Variants in KBTBD12 observed in about 807,000 individuals in gnomAD.
The protein encoded by KBTBD12 is kelch repeat and BTB domain containing 12, also known as kelch repeat and BTB domain-containing protein 12.
KBTBD12 carries 53 observed loss-of-function variants against 58.7 expected under a neutral mutation model. That is an observed-to-expected ratio of 0.90 (90% CI 0.72 to 1.14). The LOEUF is 1.14. KBTBD12 is among the 50% of genes most tolerant of loss of function. KBTBD12 has a pLI of 0.00. For missense variants in KBTBD12, 704 were observed against 751.3 expected, an observed-to-expected ratio of 0.94 and a Z score of 0.74; for synonymous variants, 236 against 259.8, an observed-to-expected ratio of 0.91 and a Z score of 0.88.
intron 1 of KBTBD12, among the ~76,000 whole-genome samples, chr3:127,918,207 G>A (rs921081908): frequency 6.6e-6 from 1 of 152,150 alleles, no homozygotes; most frequent in African/African-American, 2.4e-5. Flanking sequence ...TCCCTTACCC[G>A]CAGTGTGCTC....
At chr3:127,934,777 A>G (rs1378432467) in intron 4 of KBTBD12, among the ~76,000 whole-genome samples, 7 of 152,228 alleles carry the variant, frequency 4.6e-5, no homozygotes, top group African/African-American at 1.4e-4. Context: ...TGTTACAAGA[A>G]AAAAAACTGA....
chr3:127,959,286 T>C (rs1283841327), intron 4 of KBTBD12, among the ~76,000 whole-genome samples: 2 of 152,178 alleles, frequency 1.3e-5, no homozygotes, highest in African/African-American at 4.8e-5. Flanking sequence ...TTTTCTATTG[T>C]TAGGTCCACC....
At chr3:127,956,306 T>C (rs1212347980) in intron 4 of KBTBD12, among the ~76,000 whole-genome samples, 1 of 152,178 alleles carries the variant, frequency 6.6e-6, no homozygotes, top group Non-Finnish European at 1.5e-5. Context: ...ATCATTGATA[T>C]CCCACAAGTT....
chr3:127,975,463 T>C (rs1258142272), intron 5 of KBTBD12, among the ~76,000 whole-genome samples: 9 of 152,166 alleles, frequency 5.9e-5, no homozygotes, highest in Admixed American at 5.9e-4. Context: ...GAAGGCTTAT[T>C]ACTGTTAACC....
chr3:127,949,445 T>C (rs1940158360), intron 4 of KBTBD12, among the ~76,000 whole-genome samples: 1 of 152,154 alleles, frequency 6.6e-6, no homozygotes, highest in African/African-American at 2.4e-5. Flanking sequence ...TTGAAGGATT[T>C]CAACAGTAAA....
intron 4 of KBTBD12, among the ~76,000 whole-genome samples, chr3:127,946,801 C>T (rs1940092956): frequency 6.6e-6 from 1 of 152,186 alleles, no homozygotes; most frequent in African/African-American, 2.4e-5. Context: ...TCGGGTCTTA[C>T]TGGAATTCTT....
At chr3:127,968,660 G>A (rs1228239120) in intron 5 of KBTBD12, among the ~76,000 whole-genome samples, 1 of 152,156 alleles carries the variant, frequency 6.6e-6, no homozygotes, top group Non-Finnish European at 1.5e-5. Context: ...AACAGCTAAT[G>A]GATGCTGTGC....
chr3:127,936,374 G>GAAA (rs35158488), intron 4 of KBTBD12, among the ~76,000 whole-genome samples: 3 of 138,604 alleles, frequency 2.2e-5, no homozygotes, highest in African/African-American at 7.9e-5. Context: ...CAGGAGTACA[G>GAAA]AAAAAAAAAA....
At position 127,984,599 on chromosome 3, in the gene KBTBD12, T is replaced by A. The variant is rs1349081323; in HGVS notation, c.*321T>A. 4 of 201,524 alleles carry A rather than the reference T, an allele frequency of 2.0e-5. No homozygotes were observed. The Admixed American group carries it at 2.3e-4, about 11-fold the overall frequency. 12.5% of individuals were successfully genotyped at this position (201,524 alleles called of 1,614,324 possible). ...ACAGCACTGCCAAGGAGCAGACCTT[T>A]TATTGGGTCCCCAAAAGGATGAGGA... On this transcript the variant is annotated 3_prime_UTR_variant, in exon 6 of 6. Transcript: ENST00000405109.
At chr3:127,943,464 T>C (rs1293189969) in intron 4 of KBTBD12, among the ~76,000 whole-genome samples, 1 of 152,170 alleles carries the variant, frequency 6.6e-6, no homozygotes, top group Non-Finnish European at 1.5e-5. Flanking sequence ...TGGGCATTTG[T>C]ATATCTTTTT....
Position 127,984,230 on chromosome 3 carries a change from C to A in KBTBD12, c.1824C>A (p.Asp608Glu), listed in dbSNP as rs530995063. The A allele has an allele frequency of 6.2e-7, 1 of 1,613,948 alleles. No homozygotes were observed. ...VCLVARMNPR[D>E]LIPPPSDLVE... ...TAGTAGCCAGGATGAATCCCCGAGA[C>A]CTCATCCCCCCGCCTTCAGATTTGG... Residue 608 changes from aspartate (D) to glutamate (E), a missense_variant, in exon 6 of 6, where the codon GAC (aspartate) becomes GAA (glutamate). Physicochemically the swap from Asp to Glu is conservative, Grantham distance 45. Transcript: ENST00000405109.
chr3:127,918,324 G>T (rs1939306709), intron 1 of KBTBD12, among the ~76,000 whole-genome samples: 1 of 152,186 alleles, frequency 6.6e-6, no homozygotes, highest in African/African-American at 2.4e-5. Flanking sequence ...CGTCAGTGAG[G>T]AAGTGATATC....
chr3:127,922,620 G>T (rs548982551), intron 1 of KBTBD12, among the ~76,000 whole-genome samples: 1 of 152,170 alleles, frequency 6.6e-6, no homozygotes, highest in Non-Finnish European at 1.5e-5. Flanking sequence ...TATACCCTCT[G>T]CCTGCAGGTC....
intron 4 of KBTBD12, among the ~76,000 whole-genome samples, chr3:127,935,183 A>T (rs1015774671): frequency 2.0e-5 from 3 of 152,206 alleles, no homozygotes; most frequent in African/African-American, 7.2e-5. Context: ...TAAGCCCATC[A>T]TGAAGTTGAA....
chr3:127,927,526 A>G (rs563028500), intron 2 of KBTBD12, among the ~76,000 whole-genome samples: 5 of 152,072 alleles, frequency 3.3e-5, no homozygotes, highest in African/African-American at 1.2e-4. Flanking sequence ...TTTTCTCTAT[A>G]TTTTCCCCAA....
At chr3:127,983,100 A>C (rs1435162445) in intron 5 of KBTBD12, among the ~76,000 whole-genome samples, 1 of 152,220 alleles carries the variant, frequency 6.6e-6, no homozygotes, top group African/African-American at 2.4e-5. Flanking sequence ...TTCATATGGC[A>C]TTGGAACACT....
At chr3:127,919,229 C>T (rs1347936416) in intron 1 of KBTBD12, among the ~76,000 whole-genome samples, 6 of 151,548 alleles carry the variant, frequency 4.0e-5, no homozygotes, top group Non-Finnish European at 5.9e-5. Flanking sequence ...GACACGGTCT[C>T]GGAAATAGCA....
At chr3:127,935,643 A>G (rs1480361239) in intron 4 of KBTBD12, among the ~76,000 whole-genome samples, 2 of 152,084 alleles carry the variant, frequency 1.3e-5, no homozygotes, top group Non-Finnish European at 2.9e-5. Context: ...TGTTAAATAC[A>G]AGAGAGGGCA....
At chr3:127,943,313 T>C (rs542263489) in intron 4 of KBTBD12, among the ~76,000 whole-genome samples, 70 of 152,344 alleles carry the variant, frequency 4.6e-4, no homozygotes, top group Non-Finnish European at 9.6e-4. Context: ...ATCAACAGTG[T>C]ACAAGGGTTC....
Sources: gnomAD v4.1 joint callset for allele counts (sites outside exome capture counted in the v4.1 genomes callset) on GRCh38, gnomAD v4.1.1 for gene constraint, MANE v1.5 for transcripts, NCBI Gene and HGNC (gene_info 2026-07-23, HGNC 2026-07-21) for gene names.